The following ATRNL1 variants were observed in gnomAD, a reference collection of about 807,000 sequenced individuals.
The protein encoded by ATRNL1 is attractin like 1, also known as attractin-like protein 1.
Under a neutral mutation model 182.7 loss-of-function variants are expected in ATRNL1, and 95 were observed. That is an observed-to-expected ratio of 0.52 (90% CI 0.44 to 0.62). The LOEUF is 0.62. ATRNL1 is among the 20% of genes least tolerant of loss of function. The pLI, the probability that ATRNL1 is intolerant of heterozygous loss-of-function variation, is 0.00. For synonymous variants in ATRNL1, 576 were observed against 568.3 expected (o/e 1.01, Z -0.19); for missense variants, 1,471 against 1,679.5 (o/e 0.88, Z 2.17).
chr10:115,489,640 T>A (rs1849198210), intron 24 of ATRNL1, among the ~76,000 whole-genome samples: 2 of 152,238 alleles, frequency 1.3e-5, no homozygotes, highest in Non-Finnish European at 1.5e-5. Context: ...GAGATGGGTC[T>A]CCTGAATACA....
intron 26 of ATRNL1, among the ~76,000 whole-genome samples, chr10:115,557,843 G>A (rs561287443): frequency 1.3e-4 from 20 of 152,024 alleles, no homozygotes; most frequent in Non-Finnish European, 2.1e-4. Flanking sequence ...TCAAGAGATC[G>A]AGACCATCCT....
chr10:115,776,424 T>C (rs73379771), intron 27 of ATRNL1, among the ~76,000 whole-genome samples: 4,653 of 152,250 alleles, frequency 0.031, 253 homozygotes, highest in African/African-American at 0.1. Context: ...AGATTAAAGA[T>C]GGCTTCAAAT....
intron 19 of ATRNL1, among the ~76,000 whole-genome samples, chr10:115,369,683 TCCC>T (rs1857284745): frequency 6.6e-6 from 1 of 152,168 alleles, no homozygotes; most frequent in Admixed American, 6.5e-5. Flanking sequence ...TAATTTACAT[TCCC>T]CCCAACAATG....
chr10:115,236,169 C>T (rs1305585502), intron 9 of ATRNL1, among the ~76,000 whole-genome samples: 4 of 152,054 alleles, frequency 2.6e-5, no homozygotes, highest in Non-Finnish European at 5.9e-5. Context: ...CCCTAGTGCT[C>T]GAATAAATCA....
At chr10:115,866,969 C>A (rs1459653474) in intron 28 of ATRNL1, among the ~76,000 whole-genome samples, 2 of 152,122 alleles carry the variant, frequency 1.3e-5, no homozygotes, top group African/African-American at 4.8e-5. Flanking sequence ...TTAGGAAATC[C>A]TGTGAATTTC....
rs112343950 is a variant in ATRNL1, at chr10:115,723,534, G to GTATTTATT, written c.3796-3692_3796-3685dup. ...TTAAGCGTAGATATTCTTTTCTTTTGTATTTATTTATTTATTTATTTATTT... is the reference window on the plus strand; with the variant it reads ...TTAAGCGTAGATATTCTTTTCTTTTGTATTTATTTATTTATTTATTTATTTATTTATTT... On this transcript the variant is annotated intron_variant, in intron 26 of 28. Transcript: ENST00000355044. 1.0e-3 allele frequency among the ~76,000 whole-genome samples: 153 copies of GTATTTATT among 148,218 alleles called. 1 individual carries two copies. Among genetic ancestry groups the GTATTTATT allele is most frequent in the East Asian group, 7.5e-3 (37 of 4,930 alleles).
chr10:115,737,687 A>G (rs1034596791), intron 27 of ATRNL1, among the ~76,000 whole-genome samples: 3 of 152,166 alleles, frequency 2.0e-5, no homozygotes, highest in African/African-American at 7.2e-5. Context: ...GTAGTAGCAT[A>G]GAAACAGTCA....
At chr10:115,646,432 G>A (rs1859619343) in intron 26 of ATRNL1, among the ~76,000 whole-genome samples, 1 of 152,012 alleles carries the variant, frequency 6.6e-6, no homozygotes, top group Non-Finnish European at 1.5e-5. Flanking sequence ...TCCATTTTAT[G>A]GCTGCTTCAT....
rs782403817 is a variant in ATRNL1 at position 115,266,793 on chromosome 10, A to T, written c.1773-4A>T. On this transcript the variant is annotated splice_region_variant and splice_polypyrimidine_tract_variant and intron_variant, in intron 11 of 28. Coordinates refer to ENST00000355044, the MANE Select transcript of ATRNL1 (RefSeq NM_207303.4). ...CTTTAAGATTCTTGTTTTGTTTTTA[A>T]TAGGTCCATGTATATATTTGGGGGA... is the stretch of plus-strand genomic sequence containing the variant. The T allele has an allele frequency of 1.3e-6, 2 of 1,544,546 alleles. No homozygotes were observed. The highest frequency in any genetic ancestry group is 1.8e-6 in the Non-Finnish European group (2 of 1,137,164).
intron 19 of ATRNL1, among the ~76,000 whole-genome samples, chr10:115,386,821 C>A (rs868929942): frequency 0.011 from 1,244 of 110,088 alleles, 37 homozygotes; most frequent in African/African-American, 0.04. Flanking sequence ...CCCCTCCCCC[C>A]ACCCCACAAC....
chr10:115,160,515 T>C (rs562767968), intron 6 of ATRNL1, among the ~76,000 whole-genome samples: 1 of 98 alleles, frequency 0.01, no homozygotes, highest in East Asian at 0.17. Context: ...ATGAATCAAA[T>C]GAATTCATGC....
chr10:115,818,560 T>G (rs573699168), intron 27 of ATRNL1, among the ~76,000 whole-genome samples: 399 of 152,300 alleles, frequency 2.6e-3, no homozygotes, highest in Non-Finnish European at 4.3e-3. Flanking sequence ...GTTAAACTGT[T>G]GTCAGAGAAA....
At chr10:115,201,371 A>G (rs372733815) in intron 8 of ATRNL1, among the ~76,000 whole-genome samples, 6 of 152,066 alleles carry the variant, frequency 3.9e-5, no homozygotes, top group Non-Finnish European at 8.8e-5. Flanking sequence ...TAGGTCTAAC[A>G]TTTAAGTGTT....
intron 25 of ATRNL1, among the ~76,000 whole-genome samples, chr10:115,537,132 C>A (rs1318783322): frequency 6.6e-6 from 1 of 152,088 alleles, no homozygotes; most frequent in Admixed American, 6.5e-5. Context: ...ATACTTAGGA[C>A]CTAACTGTTC....
intron 21 of ATRNL1, among the ~76,000 whole-genome samples, chr10:115,428,018 A>G (rs1238882817): frequency 6.6e-6 from 1 of 151,838 alleles, no homozygotes; most frequent in Non-Finnish European, 1.5e-5. Context: ...GAGAATTGGC[A>G]TGTTAACTAT....
chr10:115,544,116 T>G (rs1340784444), intron 25 of ATRNL1, among the ~76,000 whole-genome samples: 1 of 152,180 alleles, frequency 6.6e-6, no homozygotes, highest in African/African-American at 2.4e-5. Context: ...AGTAGATACT[T>G]ATTTTTTCTG....
intron 20 of ATRNL1, among the ~76,000 whole-genome samples, chr10:115,404,435 A>G (rs1171610329): frequency 1.2e-4 from 19 of 152,168 alleles, no homozygotes; most frequent in Admixed American, 7.9e-4. Context: ...CAGCAGTTCA[A>G]TGGAGAGGAA....
At chr10:115,822,136 C>T (rs782186881) in intron 27 of ATRNL1, among the ~76,000 whole-genome samples, 14 of 152,140 alleles carry the variant, frequency 9.2e-5, no homozygotes, top group Admixed American at 2.0e-4. Context: ...CACTCAAAAC[C>T]GCACAACTAC....
At chr10:115,295,517 C>T (rs1180787732) in intron 15 of ATRNL1, among the ~76,000 whole-genome samples, 1 of 152,108 alleles carries the variant, frequency 6.6e-6, no homozygotes, top group Non-Finnish European at 1.5e-5. Flanking sequence ...ATTGCCAGTG[C>T]AAGGCTTTTA....
Sources: gnomAD v4.1 joint callset for allele counts (sites outside exome capture counted in the v4.1 genomes callset) on GRCh38, gnomAD v4.1.1 for gene constraint, MANE v1.5 for transcripts, NCBI Gene and HGNC (gene_info 2026-07-23, HGNC 2026-07-21) for gene names.